The following NOSIP variants were observed in gnomAD, a reference collection of about 807,000 sequenced individuals.
NOSIP encodes the protein nitric oxide synthase-interacting protein.
Under a neutral mutation model 36.4 loss-of-function variants are expected in NOSIP, and 25 were observed. That is an observed-to-expected ratio of 0.69 (90% CI 0.50 to 0.96). The LOEUF is 0.96. Among genes scored for constraint, NOSIP ranks in the 40% least tolerant of loss-of-function variants. The probability of loss-of-function intolerance (pLI) is 0.00; values close to 1 mark genes in which losing one functional copy is unlikely to be tolerated. For missense variants in NOSIP, 370 were observed against 429.0 expected, an observed-to-expected ratio of 0.86 and a Z score of 1.21; for synonymous variants, 187 against 179.2, an observed-to-expected ratio of 1.04 and a Z score of -0.35.
intron 1 of NOSIP, among the ~76,000 whole-genome samples, chr19:49,578,678 A>G (rs1359858853): frequency 2.0e-5 from 3 of 148,496 alleles, no homozygotes; most frequent in Admixed American, 6.7e-5. Flanking sequence ...ACAGAGTCTC[A>G]CTCTGTCGCC....
chr19:49,579,718 A>G (rs1164158060), intron 1 of NOSIP, among the ~76,000 whole-genome samples: 1 of 152,160 alleles, frequency 6.6e-6, no homozygotes, highest in East Asian at 1.9e-4. Context: ...AATGTGTTGC[A>G]ATTTTGTCTT....
At chr19:49,574,682 G>A (rs1248434142) in intron 1 of NOSIP, among the ~76,000 whole-genome samples, 2 of 152,052 alleles carry the variant, frequency 1.3e-5, no homozygotes, top group African/African-American at 2.4e-5. Context: ...TTTGCAGATG[G>A]CTATCTTCAG....
At chr19:49,577,776 AAAAAAAAAG>A (rs2080573018) in intron 1 of NOSIP, among the ~76,000 whole-genome samples, 1 of 151,450 alleles carries the variant, frequency 6.6e-6, no homozygotes, top group East Asian at 1.9e-4. Context: ...GGAAAAAAAA[AAAAAAAAAG>A]AAGTATTGAT....
chr19:49,571,435 G>C (rs1460270806), intron 1 of NOSIP, among the ~76,000 whole-genome samples: 1 of 152,086 alleles, frequency 6.6e-6, no homozygotes, highest in Non-Finnish European at 1.5e-5. Flanking sequence ...TTGTCTCTTT[G>C]GTAGGTCCAA....
chr19:49,560,746 G>C lies in NOSIP; in HGVS notation c.-1-54C>G. 7.4e-7 allele frequency: 1 copy of C among 1,357,884 alleles called. No homozygotes were observed. The allele number at this position is 1,357,884 out of a possible 1,614,324, so 84.1% of individuals were successfully genotyped here. ...GTGGTTACCGGAGGCAGGCAGCACA[G>C]GGAAGACCTCTGCAGCCCTCAGAGC... On this transcript the variant is annotated intron_variant, in intron 1 of 8. Transcript: ENST00000596358. This position sits in a 1 kb window ranked among gnomAD's most constrained non-coding sequence, Gnocchi z 4.6.
intron 8 of NOSIP, 138 bp from the exon 9 acceptor site, chr19:49,555,960 G>A (rs1263408882): frequency 1.6e-6 from 1 of 644,652 alleles, no homozygotes; most frequent in Non-Finnish European, 2.8e-6. Flanking sequence ...GGGAGGGGGC[G>A]AGGCGACCGC....
At chr19:49,559,014 T>C (rs1215806915) in intron 3 of NOSIP, 36 bp from the exon 4 acceptor site, 3 of 1,552,038 alleles carry the variant, frequency 1.9e-6, no homozygotes, top group South Asian at 2.2e-5. Flanking sequence ...AGAAAGAAAG[T>C]GATCCTCCCG....
intron 1 of NOSIP, among the ~76,000 whole-genome samples, chr19:49,569,461 G>A (rs1040711478): frequency 2.7e-5 from 4 of 146,604 alleles, no homozygotes; most frequent in African/African-American, 9.9e-5. Flanking sequence ...GCCTTCCAAA[G>A]TGCTGGGATT....
At chr19:49,577,505 A>T (rs547866314) in intron 1 of NOSIP, among the ~76,000 whole-genome samples, 1 of 152,208 alleles carries the variant, frequency 6.6e-6, no homozygotes, top group East Asian at 1.9e-4. Context: ...ACGCCACTGC[A>T]CTCCAGCCTG....
intron 1 of NOSIP, among the ~76,000 whole-genome samples, chr19:49,575,830 T>A (rs984471237): frequency 6.6e-6 from 1 of 152,196 alleles, no homozygotes; most frequent in Non-Finnish European, 1.5e-5. Flanking sequence ...TTTCCAGTTA[T>A]GTAAAAACGT....
Position 49,557,682 on chromosome 19 carries a change from C to T in NOSIP, c.259-433G>A, listed in dbSNP as rs377403094. 5.5e-5 allele frequency: 55 copies of T among 1,004,844 alleles called. No individual in the cohort carries two copies. In the African/African-American group the frequency reaches 5.9e-4, roughly 11 times the overall value. The allele number at this position is 1,004,844 out of a possible 1,614,324, so 62.2% of individuals were successfully genotyped here. On this transcript the variant is annotated intron_variant, in intron 4 of 8. Coordinates refer to ENST00000596358, the MANE Select transcript of NOSIP (RefSeq NM_001270960.2). ...TGCATGCCCCAGCCCGTGTTTGGGA[C>T]GGGGGATGTAGACTTCAGATCTAAG... is the stretch of plus-strand genomic sequence containing the variant.
rs768488927 is a variant in NOSIP at position 49,560,588 on chromosome 19, C to G, written c.70+34G>C. The G allele has an allele frequency of 1.3e-6, 2 of 1,524,376 alleles. No individual in the cohort carries two copies. Among genetic ancestry groups the G allele is most frequent in the South Asian group, 1.2e-5 (1 of 84,002 alleles). 94.4% of individuals were successfully genotyped at this position (1,524,376 alleles called of 1,614,324 possible). ...GGGAGAGGGTGACTCCAAGACACAGCCATGTCCCGCCTCTTCCCACCCCAG... is the reference window on the plus strand; with the variant it reads ...GGGAGAGGGTGACTCCAAGACACAGGCATGTCCCGCCTCTTCCCACCCCAG... On this transcript the variant is annotated intron_variant, in intron 2 of 8. Coordinates refer to ENST00000596358, the MANE Select transcript of NOSIP (RefSeq NM_001270960.2). The surrounding 1 kb of genome is among the most constrained non-coding windows in gnomAD (Gnocchi z 4.6).
chr19:49,569,098 G>A (rs999267511), intron 1 of NOSIP, among the ~76,000 whole-genome samples: 6 of 151,210 alleles, frequency 4.0e-5, no homozygotes, highest in East Asian at 2.0e-4. Context: ...CACTGCGCCC[G>A]GCCTGGGAGG....
rs1433048894 is a variant in NOSIP at position 49,555,746 on chromosome 19, C to G, written c.*5G>C. On this transcript the variant is annotated 3_prime_UTR_variant, in exon 9 of 9. Coordinates refer to ENST00000596358, the MANE Select transcript of NOSIP (RefSeq NM_001270960.2). ...AAGCCGGTTTATTTGGTCTCCCGCA[C>G]ACACTCAGGCCTGCATCACCGGCCG... The G allele has an allele frequency of 6.2e-7, 1 of 1,612,926 alleles. No homozygotes were observed. The highest frequency in any genetic ancestry group is 1.1e-5 in the South Asian group (1 of 91,060).
intron 1 of NOSIP, among the ~76,000 whole-genome samples, chr19:49,566,144 C>T (rs1185515262): frequency 1.3e-5 from 2 of 151,936 alleles, no homozygotes; most frequent in Admixed American, 1.3e-4. Context: ...CTCAGCCTCC[C>T]GAGTAGCTGG....
Position 49,555,711 on chromosome 19 carries a change from T to G in NOSIP, c.*40A>C. ...CGCCGCGAATGAAGGCGCCACGTCGTTGCGCACCCAAGCCGGTTTATTTGG... is the reference window on the plus strand; with the variant it reads ...CGCCGCGAATGAAGGCGCCACGTCGGTGCGCACCCAAGCCGGTTTATTTGG... On this transcript the variant is annotated 3_prime_UTR_variant, in exon 9 of 9. Transcript: ENST00000596358. 1.9e-6 allele frequency: 3 copies of G among 1,580,298 alleles called. No homozygotes were observed. The highest frequency in any genetic ancestry group is 2.6e-6 in the Non-Finnish European group (3 of 1,150,872).
At chr19:49,562,683 C>T (rs2080351765) in intron 1 of NOSIP, among the ~76,000 whole-genome samples, 1 of 152,044 alleles carries the variant, frequency 6.6e-6, no homozygotes, top group Non-Finnish European at 1.5e-5. Context: ...GAGATCGAGA[C>T]CATCCTGGCC....
intron 1 of NOSIP, among the ~76,000 whole-genome samples, chr19:49,570,168 T>A (rs973179996): frequency 4.6e-5 from 7 of 152,116 alleles, no homozygotes; most frequent in African/African-American, 1.7e-4. Flanking sequence ...ATGACACATA[T>A]TAGTTGCATT....
At chr19:49,571,889 G>T (rs997075692) in intron 1 of NOSIP, among the ~76,000 whole-genome samples, 1 of 148,430 alleles carries the variant, frequency 6.7e-6, no homozygotes, top group Non-Finnish European at 1.5e-5. Context: ...GGAGGCTGAG[G>T]CAGAAGAATC....
Sources: allele counts gnomAD v4.1 joint callset (sites outside exome capture counted in the v4.1 genomes callset), GRCh38; gene constraint gnomAD v4.1.1; non-coding constraint Gnocchi (gnomAD v3.1); transcripts MANE v1.5; gene names NCBI Gene and HGNC (gene_info 2026-07-23, HGNC 2026-07-21).